ARHGAP22: variants seen among roughly 807,000 people sequenced by gnomAD.
The protein encoded by ARHGAP22 is Rho GTPase activating protein 22.
In ARHGAP22, 48 loss-of-function variants were observed where a neutral mutation model predicts 59.1. That is an observed-to-expected ratio of 0.81 (90% confidence interval 0.64 to 1.03). ARHGAP22 has a LOEUF of 1.03. Ranked by LOEUF, ARHGAP22 falls within the 50% of genes least tolerant of loss-of-function variation. The pLI is 0.00. For synonymous variants in ARHGAP22, 445 were observed against 416.4 expected (o/e 1.07, Z -0.84); for missense variants, 1,015 against 958.7 (o/e 1.06, Z -0.78).
intron 3 of ARHGAP22, among the ~76,000 whole-genome samples, chr10:48,491,481 A>C (rs1261019523): frequency 6.6e-6 from 1 of 152,232 alleles, no homozygotes; most frequent in Non-Finnish European, 1.5e-5. Flanking sequence ...GATTGCAATC[A>C]ATACACTCTG....
At chr10:48,655,070 T>TCTCC (rs2062746052), upstream of ARHGAP22, among the ~76,000 whole-genome samples, 1 of 27,598 alleles carries the variant, frequency 3.6e-5, no homozygotes, top group African/African-American at 1.5e-4. Flanking sequence ...CCTTCCCTCC[T>TCTCC]TCTCTTCTCT....
intron 1 of ARHGAP22, among the ~76,000 whole-genome samples, chr10:48,643,766 T>A (rs201442322): frequency 0.12 from 16,543 of 136,558 alleles, 914 homozygotes; most frequent in South Asian, 0.17. Context: ...AAAAAAAAAA[T>A]ATATATATAT....
chr10:48,524,161 C>T, intron 3 of ARHGAP22: 1 of 1,170,560 alleles, frequency 8.5e-7, no homozygotes, highest in Non-Finnish European at 1.1e-6. Flanking sequence ...GCCTGCGCCC[C>T]GGGGCGGCGC....
chr10:48,651,265 C>A (rs2062549547), intron 1 of ARHGAP22, among the ~76,000 whole-genome samples: 1 of 152,168 alleles, frequency 6.6e-6, no homozygotes, highest in African/African-American at 2.4e-5. Context: ...AATTTCCAAT[C>A]TTTACCAGTC....
At chr10:48,448,876 G>C (rs1023859455) in intron 9 of ARHGAP22, among the ~76,000 whole-genome samples, 6 of 152,134 alleles carry the variant, frequency 3.9e-5, no homozygotes, top group Non-Finnish European at 8.8e-5. Flanking sequence ...AGTTTCCCGA[G>C]CGCTCTCATC....
At chr10:48,497,929 G>T (rs572424653) in intron 3 of ARHGAP22, among the ~76,000 whole-genome samples, 1 of 152,242 alleles carries the variant, frequency 6.6e-6, no homozygotes, top group Admixed American at 6.5e-5. Context: ...AAGAGATAAA[G>T]GGCAGAATAT....
At chr10:48,577,858 G>A (rs1421505633) in intron 2 of ARHGAP22, among the ~76,000 whole-genome samples, 1 of 124,386 alleles carries the variant, frequency 8.0e-6, no homozygotes, top group African/African-American at 3.0e-5. Context: ...TGCTGCCCAG[G>A]CTGAAGTGCA....
upstream of ARHGAP22, chr10:48,605,207 G>C: frequency 1.0e-6 from 1 of 1,002,090 alleles, no homozygotes. Context: ...CCCGGGAGAG[G>C]GTACTGGGGT....
rs186260722 is a variant in ARHGAP22 at position 48,589,325 on chromosome 10, C to T, written c.35-6173G>A. Among the ~76,000 whole-genome samples, 15 of 152,212 alleles carry T rather than the reference C, an allele frequency of 9.9e-5. No homozygotes were observed. The East Asian group carries it at 2.5e-3, about 26-fold the overall frequency. ...CAGCGTTTTTGCTCAAGTTTCTTTCCGCTTCCCCAGCCTGCTTCTGGCTTC... is the reference window on the plus strand; with the variant it reads ...CAGCGTTTTTGCTCAAGTTTCTTTCTGCTTCCCCAGCCTGCTTCTGGCTTC... On this transcript the variant is annotated intron_variant, in intron 1 of 9. Coordinates refer to ENST00000249601, the MANE Select transcript of ARHGAP22 (RefSeq NM_021226.4).
chr10:48,592,558 T>A (rs1288399687), intron 1 of ARHGAP22, among the ~76,000 whole-genome samples: 1 of 152,118 alleles, frequency 6.6e-6, no homozygotes, highest in Non-Finnish European at 1.5e-5. Context: ...GTCACTCCCA[T>A]CTCCCCGTCT....
intron 1 of ARHGAP22, among the ~76,000 whole-genome samples, chr10:48,598,885 C>T (rs921788549): frequency 6.6e-6 from 1 of 152,216 alleles, no homozygotes; most frequent in African/African-American, 2.4e-5. Flanking sequence ...CCAAGCCTGG[C>T]ATGTAAATGT....
chr10:48,480,369 G>A (rs1394429690), intron 3 of ARHGAP22, among the ~76,000 whole-genome samples: 1 of 152,194 alleles, frequency 6.6e-6, no homozygotes, highest in African/African-American at 2.4e-5. Flanking sequence ...CTTGTGAACT[G>A]ACTTTCCCCT....
intron 3 of ARHGAP22, among the ~76,000 whole-genome samples, chr10:48,485,640 A>G (rs1171442008): frequency 6.6e-6 from 1 of 152,114 alleles, no homozygotes; most frequent in East Asian, 1.9e-4. Context: ...TTCTCCTTGT[A>G]TTTCTATCAG....
intron 2 of ARHGAP22, among the ~76,000 whole-genome samples, chr10:48,582,486 C>A (rs1275340545): frequency 6.6e-6 from 1 of 152,208 alleles, no homozygotes; most frequent in Non-Finnish European, 1.5e-5. Flanking sequence ...ATTTAAAGCA[C>A]CTTCTTAAAA....
chr10:48,636,060 C>G (rs926335761), intron 1 of ARHGAP22, among the ~76,000 whole-genome samples: 2 of 152,200 alleles, frequency 1.3e-5, no homozygotes, highest in Non-Finnish European at 2.9e-5. Flanking sequence ...CTCTCTCTCT[C>G]TTTTCATTAA....
chr10:48,438,454 C>G, the ARHGAP22 span: 1 of 152,238 alleles, frequency 6.6e-6, no homozygotes, highest in South Asian at 2.1e-4. Flanking sequence ...TTCAAACTGA[C>G]TGCTCTTCGT....
In ARHGAP22 at chr10:48,472,482, C is replaced by T. The variant is rs1374227037; in HGVS notation, c.451+7154G>A. 2.0e-5 allele frequency among the ~76,000 whole-genome samples: 3 copies of T among 151,824 alleles called. No individual in the cohort carries two copies. The East Asian group carries it at 5.8e-4, about 30-fold the overall frequency. On this transcript the variant is annotated intron_variant, in intron 4 of 9. Coordinates refer to ENST00000249601, the MANE Select transcript of ARHGAP22 (RefSeq NM_021226.4). ...GAGGTTGCAGTGAGCCAAGATTGTG[C>T]CACTGCACTCCAGCCTGGGCAACAG... is the stretch of plus-strand genomic sequence containing the variant.
In ARHGAP22 at chr10:48,470,331, C is replaced by A. The variant is rs2048115648; in HGVS notation, c.451+9305G>T. 4.6e-5 allele frequency among the ~76,000 whole-genome samples: 7 copies of A among 152,336 alleles called. No individual in the cohort carries two copies. In the South Asian group the frequency reaches 1.4e-3, roughly 32 times the overall value. On this transcript the variant is annotated intron_variant, in intron 4 of 9. Coordinates refer to ENST00000249601, the MANE Select transcript of ARHGAP22 (RefSeq NM_021226.4). ...AAATCATCCCGACTAGCTTACCAGGCTCTCCCTAGATAAGGCAGCTGCTCG... is the reference window on the plus strand; with the variant it reads ...AAATCATCCCGACTAGCTTACCAGGATCTCCCTAGATAAGGCAGCTGCTCG...
chr10:48,622,268 C>G (rs2061310817), intron 1 of ARHGAP22, among the ~76,000 whole-genome samples: 1 of 151,640 alleles, frequency 6.6e-6, no homozygotes, highest in Non-Finnish European at 1.5e-5. Flanking sequence ...CTGTCATACC[C>G]TTTTAAGACC....
Sources: allele counts gnomAD v4.1 joint callset (sites outside exome capture counted in the v4.1 genomes callset), GRCh38; gene constraint gnomAD v4.1.1; transcripts MANE v1.5; gene names NCBI Gene and HGNC (gene_info 2026-07-23, HGNC 2026-07-21).